The following CCDC13 variants were observed in gnomAD, a reference collection of about 807,000 sequenced individuals.
CCDC13 encodes coiled-coil domain-containing protein 13.
CCDC13 carries 70 observed loss-of-function variants against 87.3 expected under a neutral mutation model. That is an observed-to-expected ratio of 0.80 (90% confidence interval 0.66 to 0.98). The LOEUF is 0.98. Ranked by LOEUF, CCDC13 falls within the 50% of genes least tolerant of loss-of-function variation. The pLI is 0.00. For synonymous variants in CCDC13, 317 were observed against 360.3 expected (o/e 0.88, Z 1.36); for missense variants, 842 against 892.0 (o/e 0.94, Z 0.71).
chr3:42,752,423 A>G (rs1699607496), intron 4 of CCDC13, 152 bp downstream of exon 4: 2 of 917,616 alleles, frequency 2.2e-6, no homozygotes, highest in East Asian at 5.2e-5. Context: ...AATTGGATTT[A>G]AAATGCAGCA....
intron 1 of CCDC13, among the ~76,000 whole-genome samples, chr3:42,772,372 A>G (rs1223041087): frequency 3.3e-5 from 5 of 151,906 alleles, no homozygotes. Flanking sequence ...GCCAGGGAGT[A>G]GGAAGAGTGG....
chr3:42,770,114 C>T (rs1700032591), intron 1 of CCDC13, among the ~76,000 whole-genome samples: 1 of 152,240 alleles, frequency 6.6e-6, no homozygotes, highest in African/African-American at 2.4e-5. Flanking sequence ...ACTGGGTGAA[C>T]CTAGCTGGGC....
At chr3:42,717,119 G>A (rs1220219783) in intron 13 of CCDC13, among the ~76,000 whole-genome samples, 2 of 152,154 alleles carry the variant, frequency 1.3e-5, no homozygotes, top group Non-Finnish European at 2.9e-5. Flanking sequence ...TCTAGAATAG[G>A]CAAATTCATA....
At chr3:42,759,307 CA>C (rs36014297) in intron 1 of CCDC13, among the ~76,000 whole-genome samples, 43,696 of 126,788 alleles carry the variant, frequency 0.34, 6,694 homozygotes, top group East Asian at 0.69. Flanking sequence ...ACCCTGTCTC[CA>C]AAAAAAAAAA....
chr3:42,733,538 C>A lies in CCDC13; in HGVS notation c.1443G>T (p.Leu481=). The A allele has an allele frequency of 6.2e-7, 1 of 1,614,110 alleles. No individual in the cohort carries two copies. Among genetic ancestry groups the A allele is most frequent in the Non-Finnish European group, 8.5e-7 (1 of 1,180,032 alleles). Residue 481 remains leucine, a synonymous_variant, in exon 11 of 16, where the codon CTG becomes CTT. Transcript: ENST00000310232. ...REVSPAYTQF[L]EDPGLTKSPA... is the part of the protein sequence containing the mutation. The stretch of plus-strand genomic sequence containing the variant: ...GGGACTTGGTCAGGCCTGGGTCCTC[C>A]AGGAACTGGGTATAGGCAGGGCTGA...
chr3:42,748,453 C>G (rs904548632), intron 5 of CCDC13, among the ~76,000 whole-genome samples: 15 of 152,254 alleles, frequency 9.9e-5, no homozygotes, highest in Non-Finnish European at 1.5e-5. Context: ...TCTGCTGCTG[C>G]CCCAACAGGG....
chr3:42,715,232 C>G (rs1393292673), intron 13 of CCDC13, among the ~76,000 whole-genome samples: 2 of 151,464 alleles, frequency 1.3e-5, no homozygotes, highest in Non-Finnish European at 2.9e-5. Context: ...TCACTTGAAC[C>G]AGGGAGGTGG....
intron 7 of CCDC13, chr3:42,745,089 T>C (rs1699356801): frequency 6.6e-6 from 1 of 152,174 alleles, no homozygotes; most frequent in African/African-American, 2.4e-5. Flanking sequence ...CCCCTTTATA[T>C]TGGCTTCAAG....
rs369542894 is a variant in CCDC13 at position 42,752,688 on chromosome 3, C to T, written c.400G>A (p.Ala134Thr). The change falls in exon 4 of 16, where the codon GCC becomes ACC. Residue 134 changes from alanine (A) to threonine (T), a missense_variant. Ala to Thr is a moderately conservative substitution (Grantham distance 58). Transcript: ENST00000310232. ...TTTGATAGCTCCACAATTTTGGTGG[C>T]GACCACGTCTCCGGCTACACCGGCT... is the stretch of plus-strand genomic sequence containing the variant. ...GTAGVAGDVVATKIVELSKKN... is the reference protein window; with the variant it reads ...GTAGVAGDVVTTKIVELSKKN... The T allele has an allele frequency of 2.5e-4, 400 of 1,614,014 alleles. 2 individuals carry two copies. Among genetic ancestry groups the T allele is most frequent in the South Asian group, 1.8e-3 (163 of 91,070 alleles).
chr3:42,762,038 A>G (rs1367566732), intron 1 of CCDC13, among the ~76,000 whole-genome samples: 1 of 152,176 alleles, frequency 6.6e-6, no homozygotes. Flanking sequence ...TTGCTTCAAT[A>G]CCAAATCCCC....
Position 42,742,888 on chromosome 3 carries a change from C to T in CCDC13, c.987+8G>A, listed in dbSNP as rs769644102. On this transcript the variant is annotated splice_region_variant and intron_variant, in intron 8 of 15. Coordinates refer to ENST00000310232, the MANE Select transcript of CCDC13 (RefSeq NM_144719.4). ...CATGCCCAGCTGACCTCCTCAGGCA[C>T]GCGTTACCTCCAAGCCTTCCTGTTT... is the stretch of plus-strand genomic sequence containing the variant. 2.8e-5 allele frequency: 45 copies of T among 1,613,730 alleles called. No homozygotes were observed. The highest frequency in any genetic ancestry group is 3.6e-5 in the Non-Finnish European group (43 of 1,179,824).
chr3:42,737,672 G>A (rs547268814), intron 9 of CCDC13, among the ~76,000 whole-genome samples: 1 of 152,324 alleles, frequency 6.6e-6, no homozygotes, highest in African/African-American at 2.4e-5. Flanking sequence ...CAGTGATGAT[G>A]AGCATTTTTT....
chr3:42,732,980 G>T lies in CCDC13; in HGVS notation c.1512-10C>A. On this transcript the variant is annotated splice_polypyrimidine_tract_variant and intron_variant, in intron 11 of 15. Transcript: ENST00000310232. ...CAGGCTGGTCACAGAGCTGTGTAAA[G>T]GCGGAAGGGGCCCATCAGCCTGGGA... The T allele has an allele frequency of 6.4e-7, 1 of 1,551,030 alleles. No individual in the cohort carries two copies. The highest frequency in any genetic ancestry group is 8.7e-7 in the Non-Finnish European group (1 of 1,146,636).
chr3:42,764,367 G>A (rs974445019), intron 1 of CCDC13, among the ~76,000 whole-genome samples: 15 of 152,192 alleles, frequency 9.9e-5, no homozygotes, highest in African/African-American at 3.6e-4. Context: ...GGGGGCCTCT[G>A]AATTTTATGT....
Position 42,709,102 on chromosome 3 carries a change from C to G in CCDC13, c.2026G>C (p.Ala676Pro), listed in dbSNP as rs747421220. The change falls in exon 16 of 16, where the codon GCT becomes CCT. Residue 676 changes from alanine (A) to proline (P), a missense_variant. Transcript: ENST00000310232. ...IQVEENEMLK[A>P]ALGSALRGKE... ...CCCCGCAGGGCACTGCCCAGGGCAG[C>G]CTTTAGCATTTCATTCTCCTCCACC... 1 of 1,613,160 alleles carries G rather than the reference C, an allele frequency of 6.2e-7. No homozygotes were observed.
chr3:42,721,195 CAG>C (rs1698552354), intron 13 of CCDC13, among the ~76,000 whole-genome samples: 1 of 152,188 alleles, frequency 6.6e-6, no homozygotes, highest in East Asian at 1.9e-4. Context: ...TTGTGTGCCA[CAG>C]AGGCAACCAA....
intron 13 of CCDC13, among the ~76,000 whole-genome samples, chr3:42,715,919 C>T (rs577070247): frequency 2.0e-5 from 3 of 152,266 alleles, no homozygotes; most frequent in South Asian, 4.1e-4. Context: ...ACTTCCCAGC[C>T]ACCAGAGCTG....
intron 8 of CCDC13, among the ~76,000 whole-genome samples, chr3:42,741,436 C>A (rs1699212541): frequency 6.6e-6 from 1 of 152,182 alleles, no homozygotes; most frequent in Non-Finnish European, 1.5e-5. Flanking sequence ...CCTCCCTCCA[C>A]AAATTAAAAC....
chr3:42,745,810 A>G (rs1313946768), intron 7 of CCDC13, 113 bp downstream of exon 7: 1 of 646,416 alleles, frequency 1.5e-6, no homozygotes, highest in African/African-American at 1.8e-5. Context: ...TGTGAGACCT[A>G]AAGGCCTTTT....
Sources: allele counts gnomAD v4.1 joint callset (sites outside exome capture counted in the v4.1 genomes callset), GRCh38; gene constraint gnomAD v4.1.1; transcripts MANE v1.5; gene names NCBI Gene and HGNC (gene_info 2026-07-23, HGNC 2026-07-21).